The following VPS53 variants were observed in gnomAD, a reference collection of about 807,000 sequenced individuals.
The protein encoded by VPS53 is vacuolar protein sorting-associated protein 53 homolog.
Under a neutral mutation model 107.0 loss-of-function variants are expected in VPS53, and 70 were observed. The observed-to-expected ratio is 0.65, with a 90% CI of 0.54 to 0.80. The LOEUF (loss-of-function observed/expected upper bound fraction) is 0.80, where lower values mean the gene tolerates loss of function less well. Ranked by LOEUF, VPS53 falls within the 30% of genes least tolerant of loss-of-function variation. The probability of loss-of-function intolerance (pLI) is 0.00; values close to 1 mark genes in which losing one functional copy is unlikely to be tolerated. For synonymous variants in VPS53, 409 were observed against 393.3 expected (o/e 1.04, Z -0.47); for missense variants, 917 against 1,049.4 (o/e 0.87, Z 1.74).
chr17:643,106 G>A (rs1172983962), intron 7 of VPS53, among the ~76,000 whole-genome samples: 10 of 125,844 alleles, frequency 7.9e-5, no homozygotes, highest in African/African-American at 2.4e-4. Context: ...CTTGGAAACC[G>A]AGGACAACAC....
At chr17:528,932 T>C (rs546313649) in intron 19 of VPS53, among the ~76,000 whole-genome samples, 2 of 152,264 alleles carry the variant, frequency 1.3e-5, no homozygotes, top group Admixed American at 6.5e-5. Context: ...TCTAGGAGTA[T>C]AATTGCTGGG....
chr17:639,712 G>A (rs886871104), intron 7 of VPS53, among the ~76,000 whole-genome samples: 78 of 152,342 alleles, frequency 5.1e-4, no homozygotes, highest in Non-Finnish European at 1.0e-3. Flanking sequence ...TATCAGCAGC[G>A]GAGGCTGCAG....
intron 17 of VPS53, among the ~76,000 whole-genome samples, chr17:551,064 A>G (rs1278030600): frequency 6.6e-6 from 1 of 152,120 alleles, no homozygotes; most frequent in Non-Finnish European, 1.5e-5. Flanking sequence ...ATCAAAGATA[A>G]TACGTAAATA....
At chr17:661,520 CAAA>C (rs10666256) in intron 5 of VPS53, among the ~76,000 whole-genome samples, 2 of 109,246 alleles carry the variant, frequency 1.8e-5, no homozygotes, top group Admixed American at 1.0e-4. Flanking sequence ...GACTCCATCT[CAAA>C]AAAAAAAAAA....
intron 12 of VPS53, among the ~76,000 whole-genome samples, chr17:596,055 G>C (rs1342845095): frequency 6.6e-6 from 1 of 152,238 alleles, no homozygotes; most frequent in African/African-American, 2.4e-5. Context: ...TCCCCTGGAG[G>C]ACGCTGGGAG....
At chr17:571,121 C>T (rs920655666) in intron 13 of VPS53, among the ~76,000 whole-genome samples, 6 of 151,602 alleles carry the variant, frequency 4.0e-5, no homozygotes, top group Admixed American at 1.3e-4. Flanking sequence ...GAGACCAGCC[C>T]GAGCAACATG....
chr17:565,090 A>G (rs1475916223), intron 13 of VPS53, among the ~76,000 whole-genome samples: 1 of 152,226 alleles, frequency 6.6e-6, no homozygotes, highest in African/African-American at 2.4e-5. Context: ...CATTTTACTC[A>G]AAGGCTTTTG....
intron 19 of VPS53, 158 bp downstream of exon 19, chr17:532,684 G>T: frequency 7.1e-7 from 1 of 1,412,412 alleles, no homozygotes; most frequent in Non-Finnish European, 9.3e-7. Flanking sequence ...ATAAATGGAA[G>T]AACGAATTAA....
At chr17:690,663 C>T (rs1486409856) in intron 4 of VPS53, among the ~76,000 whole-genome samples, 3 of 152,114 alleles carry the variant, frequency 2.0e-5, no homozygotes, top group Non-Finnish European at 4.4e-5. Flanking sequence ...TCAGTAGAAG[C>T]CAACCATGTA....
intron 8 of VPS53, among the ~76,000 whole-genome samples, chr17:630,117 A>C (rs1042838471): frequency 1.3e-5 from 2 of 152,104 alleles, no homozygotes; most frequent in Admixed American, 1.3e-4. Context: ...AACATGGAGA[A>C]ACCCCGTCTC....
intron 5 of VPS53, among the ~76,000 whole-genome samples, chr17:658,050 G>A (rs77968019): frequency 6.5e-5 from 2 of 30,608 alleles, no homozygotes; most frequent in South Asian, 1.8e-3. Context: ...TGAGAAACTC[G>A]GCAGGGAGTT....
chr17:676,596 G>A (rs1354803263), intron 4 of VPS53, among the ~76,000 whole-genome samples: 1 of 152,174 alleles, frequency 6.6e-6, no homozygotes, highest in Non-Finnish European at 1.5e-5. Flanking sequence ...GGTGAGTTAC[G>A]CTTGACCTTC....
At chr17:629,615 T>G (rs1292669165) in intron 8 of VPS53, among the ~76,000 whole-genome samples, 1 of 151,130 alleles carries the variant, frequency 6.6e-6, no homozygotes, top group Non-Finnish European at 1.5e-5. Context: ...ACAAAAAAAT[T>G]AGCCAGGCGT....
At chr17:615,211 C>T (rs1415784804) in intron 11 of VPS53, among the ~76,000 whole-genome samples, 1 of 152,210 alleles carries the variant, frequency 6.6e-6, no homozygotes, top group African/African-American at 2.4e-5. Flanking sequence ...ACAGGCAGCT[C>T]ACCTCCTCAA....
Position 537,184 on chromosome 17 carries a change from G to A in VPS53, c.1867-8C>T. Reference sequence around the variant, plus strand: ...CACGTTCTGCCACTGCATCTGAAAGGGAGAAAGGATGAGGCGTTGAATCCC... The same window carrying A: ...CACGTTCTGCCACTGCATCTGAAAGAGAGAAAGGATGAGGCGTTGAATCCC... On this transcript the variant is annotated splice_region_variant and splice_polypyrimidine_tract_variant and intron_variant, in intron 17 of 21. Coordinates refer to ENST00000437048, the MANE Select transcript of VPS53 (RefSeq NM_001128159.3). The A allele has an allele frequency of 1.9e-6, 3 of 1,613,944 alleles. No homozygotes were observed. Among genetic ancestry groups the A allele is most frequent in the South Asian group, 1.1e-5 (1 of 91,072 alleles).
chr17:536,900 G>T (rs541284236), intron 18 of VPS53, 128 bp downstream of exon 18: 486 of 1,198,010 alleles, frequency 4.1e-4, no homozygotes, highest in Non-Finnish European at 5.2e-4. Flanking sequence ...GTGCATGTTG[G>T]GGGGGTCAGG....
chr17:615,765 G>GGGGAAGGGGTCAGGGGCCA (rs1474112388), intron 11 of VPS53, among the ~76,000 whole-genome samples: 11 of 152,338 alleles, frequency 7.2e-5, no homozygotes, highest in Middle Eastern at 3.4e-3. Context: ...AAGGTAGCAT[G>GGGGAAGGGGTCAGGGGCCA]GGGAAGGGGT....
At chr17:548,882 C>T (rs1010302511) in intron 17 of VPS53, among the ~76,000 whole-genome samples, 3 of 152,238 alleles carry the variant, frequency 2.0e-5, no homozygotes, top group South Asian at 2.1e-4. Flanking sequence ...TTCAGAATTT[C>T]GCCCTCATCT....
intron 5 of VPS53, among the ~76,000 whole-genome samples, chr17:660,102 T>C (rs1214749965): frequency 6.6e-6 from 1 of 152,174 alleles, no homozygotes; most frequent in Non-Finnish European, 1.5e-5. Flanking sequence ...GCCCACGGGC[T>C]GCGAAAACGG....
Sources: gnomAD v4.1 joint callset for allele counts (sites outside exome capture counted in the v4.1 genomes callset) on GRCh38, gnomAD v4.1.1 for gene constraint, MANE v1.5 for transcripts, NCBI Gene and HGNC (gene_info 2026-07-23, HGNC 2026-07-21) for gene names.